The following TRPV1 variants were observed in gnomAD, a reference collection of about 807,000 sequenced individuals.
TRPV1 encodes OTRPC1.
In TRPV1, 82 loss-of-function variants were observed where a neutral mutation model predicts 82.3. The observed-to-expected ratio is 1.00, with a 90% CI of 0.83 to 1.20. TRPV1 has a LOEUF of 1.20. TRPV1 is among the 50% of genes most tolerant of loss of function. TRPV1 has a pLI of 0.00. For synonymous variants in TRPV1, 515 were observed against 467.7 expected, an observed-to-expected ratio of 1.10 and a Z score of -1.30; for missense variants, 1,067 against 1,096.8, an observed-to-expected ratio of 0.97 and a Z score of 0.38.
chr17:3,571,724 AC>A, intron 15 of TRPV1, 85 bp from the exon 16 acceptor site: 2 of 1,095,174 alleles, frequency 1.8e-6, no homozygotes, highest in Non-Finnish European at 2.7e-6. Context: ...AGCCCAAGAA[AC>A]CCACCCATCA....
At chr17:3,584,008 C>T (rs960454182) in intron 9 of TRPV1, among the ~76,000 whole-genome samples, 1 of 152,166 alleles carries the variant, frequency 6.6e-6, no homozygotes, top group South Asian at 2.1e-4. Context: ...CAGTGGCTCA[C>T]GCCTGTAATC....
In TRPV1 at chr17:3,579,685, A is replaced by G. The variant is rs539561835; in HGVS notation, c.1547+772T>C. Among the ~76,000 whole-genome samples, 129 of 152,268 alleles carry G rather than the reference A, an allele frequency of 8.5e-4. No individual in the cohort carries two copies. The Middle Eastern group carries it at 0.014, about 16-fold the overall frequency. Reference sequence around the variant, plus strand: ...GAGACGGGGTTTCACCATGTTGGCCAGTCTGGTCTTGAACTCATGACCTCA... The same window carrying G: ...GAGACGGGGTTTCACCATGTTGGCCGGTCTGGTCTTGAACTCATGACCTCA... On this transcript the variant is annotated intron_variant, in intron 11 of 16. Transcript: ENST00000572705.
At chr17:3,577,471 A>T in intron 12 of TRPV1, 127 bp downstream of exon 12, 1 of 1,255,898 alleles carries the variant, frequency 8.0e-7, no homozygotes, top group Non-Finnish European at 1.1e-6. Flanking sequence ...CTTGGAAAAT[A>T]GGCTGGGGGG....
rs1190507318 is a variant in TRPV1 at position 3,566,962 on chromosome 17, A to G, written c.2373T>C (p.Phe791=). 1 of 1,613,954 alleles carries G rather than the reference A, an allele frequency of 6.2e-7. No individual in the cohort carries two copies. Among genetic ancestry groups the G allele is most frequent in the Non-Finnish European group, 8.5e-7 (1 of 1,179,856 alleles). ...CCTCTCTTAAAAGGGGGACCAGGGC[A>G]AAGTTCTTCCAGTGTCTGCCTGAAA... The part of the protein sequence containing the change: ...SRVSGRHWKN[F]ALVPLLREAS... The change falls in exon 17 of 17, where the codon TTT becomes TTC. Residue 791 remains phenylalanine, a synonymous_variant. Transcript: ENST00000572705.
At chr17:3,582,189 C>CAA (rs71153376) in intron 10 of TRPV1, among the ~76,000 whole-genome samples, 624 of 25,774 alleles carry the variant, frequency 0.024, 64 homozygotes, top group African/African-American at 0.026. Context: ...GACTCCATCT[C>CAA]AAAAAAAAAA....
rs377187001 is a variant in TRPV1, at chr17:3,590,444, C to T, written c.605-52G>A. Reference sequence around the variant, plus strand: ...CGTGGTCACGGTCCTGTGGGGCTGCCGGGACAGGTGCTGGGGAAGGGCTCT... The same window carrying T: ...CGTGGTCACGGTCCTGTGGGGCTGCTGGGACAGGTGCTGGGGAAGGGCTCT... On this transcript the variant is annotated intron_variant, in intron 5 of 16. Transcript: ENST00000572705. The T allele has an allele frequency of 2.2e-5, 35 of 1,595,014 alleles. No individual in the cohort carries two copies. In the African/African-American group the frequency reaches 3.1e-4, roughly 14 times the overall value.
chr17:3,582,189 C>CAAA lies in TRPV1; in HGVS notation c.1476+1146_1476+1148dup, dbSNP rs71153376. On this transcript the variant is annotated intron_variant, in intron 10 of 16. Coordinates refer to ENST00000572705, the MANE Select transcript of TRPV1 (RefSeq NM_080704.4). ...TGGGCGAAAGAGTGAGACTCCATCT[C>CAAA]AAAAAAAAAAAAAAAAAAAAAAAAA... 2.4e-3 allele frequency among the ~76,000 whole-genome samples: 62 copies of CAAA among 25,836 alleles called. No homozygotes were observed. The South Asian group carries it at 0.031, about 13-fold the overall frequency. The allele number at this position is 25,836 out of a possible 152,430, so 16.9% of individuals were successfully genotyped here.
chr17:3,607,535 A>C (rs2075303816), intron 2 of TRPV1, among the ~76,000 whole-genome samples: 1 of 99,020 alleles, frequency 1.0e-5, no homozygotes, highest in South Asian at 3.0e-4. Context: ...ATAAAGTAGA[A>C]CAATTTTTTT....
chr17:3,577,795 C>G (rs200129659), intron 11 of TRPV1, 32 bp from the exon 12 acceptor site: 1 of 1,568,614 alleles, frequency 6.4e-7, no homozygotes, highest in Non-Finnish European at 8.6e-7. Flanking sequence ...GCTCCGTCTA[C>G]GGGAACCCAG....
chr17:3,583,516 T>G, intron 9 of TRPV1, 86 bp from the exon 10 acceptor site: 1 of 1,123,918 alleles, frequency 8.9e-7, no homozygotes, highest in Non-Finnish European at 1.3e-6. Flanking sequence ...CCATAGTCCC[T>G]GCCCAGGAGG....
chr17:3,583,171 C>T (rs773899661), intron 10 of TRPV1, among the ~76,000 whole-genome samples, 167 bp downstream of exon 10: 1 of 152,182 alleles, frequency 6.6e-6, no homozygotes, highest in Non-Finnish European at 1.5e-5. Context: ...CCTCCCGCCC[C>T]GCGGTGACTG....
At chr17:3,581,955 C>CG (rs2075021370) in intron 10 of TRPV1, among the ~76,000 whole-genome samples, 1 of 147,276 alleles carries the variant, frequency 6.8e-6, no homozygotes, top group South Asian at 2.2e-4. Context: ...CTTTGGGAGG[C>CG]CAAGGTGGGC....
At chr17:3,608,124 T>C (rs1042631024) in intron 2 of TRPV1, 1 of 149,176 alleles carries the variant, frequency 6.7e-6, no homozygotes, top group African/African-American at 2.5e-5. Context: ...GGCAAGAGAA[T>C]CGCTTGAACC....
chr17:3,597,961 T>G (rs2075233941), intron 2 of TRPV1, among the ~76,000 whole-genome samples: 1 of 152,156 alleles, frequency 6.6e-6, no homozygotes, highest in Non-Finnish European at 1.5e-5. Flanking sequence ...CGTGAGCCAC[T>G]GCGCCCGGCC....
intron 2 of TRPV1, among the ~76,000 whole-genome samples, chr17:3,594,034 A>G (rs1179631350): frequency 6.7e-6 from 1 of 149,104 alleles, no homozygotes; most frequent in Non-Finnish European, 1.5e-5. Context: ...AGGCTGAGGC[A>G]GGAGAATCGC....
rs748086133 is a variant in TRPV1, at chr17:3,571,560, T to C, written c.2311A>G (p.Lys771Glu). The stretch of plus-strand genomic sequence containing the variant: ...CGCAGGGAGAAGCTCAGGGTGCGCT[T>C]GACGCCCTCACAGTTGCCCGGGTCT... The part of the protein sequence containing the change: ...NEDPGNCEGV[K>E]RTLSFSLRSS... Residue 771 changes from lysine to glutamate, a missense_variant, in exon 16 of 17, where the codon AAG (lysine) becomes GAG (glutamate). Physicochemically the swap from Lys to Glu is moderately conservative, Grantham distance 56 (BLOSUM62 1). Coordinates refer to ENST00000572705, the MANE Select transcript of TRPV1 (RefSeq NM_080704.4). 6.2e-7 allele frequency: 1 copy of C among 1,611,534 alleles called. No homozygotes were observed. The highest frequency in any genetic ancestry group is 8.5e-7 in the Non-Finnish European group (1 of 1,178,972).
At chr17:3,575,815 C>T (rs929000885) in intron 13 of TRPV1, among the ~76,000 whole-genome samples, 4 of 152,084 alleles carry the variant, frequency 2.6e-5, no homozygotes, top group African/African-American at 7.2e-5. Flanking sequence ...TGGCTATAAT[C>T]GTGAGGAAAC....
rs199981364 is a variant in TRPV1, at chr17:3,589,882, C to T, written c.969G>A (p.Thr323=). 3.3e-5 allele frequency: 53 copies of T among 1,611,192 alleles called. No individual in the cohort carries two copies. The highest frequency in any genetic ancestry group is 1.3e-4 in the East Asian group (6 of 44,728). ...TGTTGGTGAGCTCCTCCAGCTTCAG[C>T]GTCGGGTGCAGTTTGGCCCCCAGCA... is the stretch of plus-strand genomic sequence containing the variant. ...ILMLGAKLHP[T]LKLEELTNKK... is the part of the protein sequence containing the mutation. Residue 323 remains threonine, a synonymous_variant, in exon 7 of 17, where the codon ACG becomes ACA. Coordinates refer to ENST00000572705, the MANE Select transcript of TRPV1 (RefSeq NM_080704.4).
intron 2 of TRPV1, chr17:3,601,971 G>C (rs959485252): frequency 2.0e-5 from 3 of 152,172 alleles, no homozygotes; most frequent in African/African-American, 7.2e-5. Flanking sequence ...AGTACTCATG[G>C]CCACAATGAT....
Sources: allele counts gnomAD v4.1 joint callset (sites outside exome capture counted in the v4.1 genomes callset), GRCh38; gene constraint gnomAD v4.1.1; transcripts MANE v1.5; gene names NCBI Gene and HGNC (gene_info 2026-07-23, HGNC 2026-07-21).